The following CEP72 variants were observed in gnomAD, a reference collection of about 807,000 sequenced individuals.
CEP72 encodes centrosomal protein 72, also known as centrosomal protein of 72 kDa.
In CEP72, 78 loss-of-function variants were observed where a neutral mutation model predicts 65.7. That is an observed-to-expected ratio of 1.19 (90% CI 0.99 to 1.43). The LOEUF is 1.43. CEP72 is among the 40% of genes most tolerant of loss of function. CEP72 has a pLI of 0.00. For synonymous variants in CEP72, 358 were observed against 351.7 expected, an observed-to-expected ratio of 1.02 and a Z score of -0.20; for missense variants, 914 against 832.9, an observed-to-expected ratio of 1.10 and a Z score of -1.20.
At chr5:666,299 A>C (rs1739910430) in intron 4 of CEP72, among the ~76,000 whole-genome samples, 1 of 152,160 alleles carries the variant, frequency 6.6e-6, no homozygotes, top group Admixed American at 6.5e-5. Flanking sequence ...AGCTTGGCGG[A>C]AGCAGGTCCT....
intron 9 of CEP72, chr5:643,790 C>A: frequency 3.2e-6 from 1 of 316,846 alleles, no homozygotes; most frequent in Non-Finnish European, 4.6e-6. Context: ...AGGCGTGGCC[C>A]TTTCCCCTCC....
rs895537454 is a variant in CEP72 at position 641,157 on chromosome 5, G to A, written c.1539+553G>A. The A allele has an allele frequency of 4.1e-6, 4 of 984,752 alleles. No individual in the cohort carries two copies. The African/African-American group carries it at 5.3e-5, about 13-fold the overall frequency. 61.0% of individuals were successfully genotyped at this position (984,752 alleles called of 1,614,324 possible). On this transcript the variant is annotated intron_variant, in intron 9 of 11. Coordinates refer to ENST00000264935, the MANE Select transcript of CEP72 (RefSeq NM_018140.4). ...GCCGCCGTCTCATCTGAGGCCTCAT[G>A]GGGGCTCTGTCTCAGCCGTGGGCTG... is the stretch of plus-strand genomic sequence containing the variant.
downstream of CEP72, among the ~76,000 whole-genome samples, chr5:671,068 C>CCATGAAG (rs1166461670): frequency 1.3e-5 from 2 of 152,210 alleles, no homozygotes; most frequent in African/African-American, 2.4e-5. Context: ...GGCACACCCA[C>CCATGAAG]CATGAAGCCC....
At chr5:665,093 G>C (rs1156856425) in intron 2 of CEP72, 2 of 1,607,120 alleles carry the variant, frequency 1.2e-6, no homozygotes, top group African/African-American at 2.7e-5. Flanking sequence ...GCGAGGCATG[G>C]AGCGGGGGCT....
chr5:653,726 T>G (rs1739257340), downstream of CEP72, among the ~76,000 whole-genome samples: 1 of 152,238 alleles, frequency 6.6e-6, no homozygotes, highest in South Asian at 2.1e-4. Flanking sequence ...TCTTATGATA[T>G]TAACATATCA....
downstream of CEP72, among the ~76,000 whole-genome samples, chr5:669,492 CTCTG>C (rs1000855216): frequency 4.6e-5 from 7 of 152,094 alleles, no homozygotes; most frequent in Admixed American, 1.3e-4. Context: ...CCCTTGGGGC[CTCTG>C]TCTGTCCTGG....
At position 631,497 on chromosome 5, in the gene CEP72, C is replaced by T. The variant is rs1331530436; in HGVS notation, c.513-2272C>T. ...TCCAGCGCCGGGATTTGGACCAGTC[C>T]TGGTGGGGTTCTGTCCAGCGCCGGG... On this transcript the variant is annotated intron_variant, in intron 4 of 11. Transcript: ENST00000264935. Among the ~76,000 whole-genome samples, 2 of 50,832 alleles carry T rather than the reference C, an allele frequency of 3.9e-5. 1 individual carries two copies. Among genetic ancestry groups the T allele is most frequent in the Non-Finnish European group, 7.2e-5 (2 of 27,592 alleles). The allele number at this position is 50,832 out of a possible 152,430, so 33.3% of individuals were successfully genotyped here.
the CEP72 span, among the ~76,000 whole-genome samples, chr5:673,511 A>C: frequency 1.3e-5 from 2 of 152,100 alleles, no homozygotes; most frequent in African/African-American, 4.8e-5. Flanking sequence ...CCGGAGTCCC[A>C]GTCCTGGCCA....
At chr5:671,640 A>C (rs1317151221), downstream of CEP72, among the ~76,000 whole-genome samples, 1 of 152,218 alleles carries the variant, frequency 6.6e-6, no homozygotes, top group African/African-American at 2.4e-5. Context: ...CAGGAGCCAC[A>C]GGCCTTGACT....
chr5:672,805 A>C, the CEP72 span, among the ~76,000 whole-genome samples: 3 of 152,370 alleles, frequency 2.0e-5, no homozygotes, highest in Non-Finnish European at 4.4e-5. Context: ...CGCTCTTTGC[A>C]GGAGGGAGTC....
At chr5:666,907 A>G (rs1343233897) in exon 5 of CEP72, 2 of 152,002 alleles carry the variant, frequency 1.3e-5, no homozygotes, top group African/African-American at 4.9e-5. Flanking sequence ...AGTGTTTAAA[A>G]CAAGAGATCC....
intron 3 of CEP72, among the ~76,000 whole-genome samples, chr5:622,661 G>T (rs1736466738): frequency 6.6e-6 from 1 of 152,262 alleles, no homozygotes; most frequent in Non-Finnish European, 1.5e-5. Context: ...TTGGGAGCAT[G>T]CGGCGTGCAT....
exon 4 of CEP72, chr5:666,072 C>T: frequency 6.2e-7 from 1 of 1,612,444 alleles, no homozygotes; most frequent in Non-Finnish European, 8.5e-7. Context: ...TGGCGAGCTC[C>T]TCCAGCGCCT....
chr5:635,714 G>A, intron 6 of CEP72, 130 bp downstream of exon 6: 4 of 712,268 alleles, frequency 5.6e-6, no homozygotes, highest in African/African-American at 1.8e-5. Flanking sequence ...CACGGTGCCG[G>A]CACCTGGTGC....
intron 9 of CEP72, chr5:641,278 A>C (rs1376648094): frequency 2.0e-6 from 2 of 985,276 alleles, no homozygotes; most frequent in Non-Finnish European, 2.4e-6. Context: ...CATCCTTAGC[A>C]CAGGGAGCTG....
At chr5:625,822 C>T (rs1007832331) in intron 4 of CEP72, among the ~76,000 whole-genome samples, 4 of 152,200 alleles carry the variant, frequency 2.6e-5, no homozygotes, top group South Asian at 4.1e-4. Context: ...CAGCCCTGCT[C>T]TCACAGGCCG....
intron 1 of CEP72, 148 bp from the exon 2 acceptor site, chr5:618,842 G>T (rs1361597190): frequency 6.0e-6 from 4 of 664,814 alleles, no homozygotes; most frequent in Non-Finnish European, 1.0e-5. Context: ...ACAGATGGCC[G>T]AGGAGAAGAT....
chr5:652,986 A>C lies in CEP72; in HGVS notation c.1779-2A>C. On this transcript the variant is annotated splice_acceptor_variant, in intron 11 of 11. Coordinates refer to ENST00000264935, the MANE Select transcript of CEP72 (RefSeq NM_018140.4). LOFTEE classifies it high-confidence loss of function. The stretch of plus-strand genomic sequence containing the variant: ...AGCAGCCGCTTCCCTGTTGTTCTGC[A>C]GCTCCCTGGTCAGCACCAATGAACA... 1.2e-6 allele frequency: 2 copies of C among 1,602,992 alleles called. No homozygotes were observed. Among genetic ancestry groups the C allele is most frequent in the East Asian group, 2.2e-5 (1 of 44,676 alleles).
chr5:675,558 A>T, the CEP72 span, among the ~76,000 whole-genome samples: 5 of 55,732 alleles, frequency 9.0e-5, no homozygotes, highest in Non-Finnish European at 1.5e-4. Context: ...CCGGGGGTGC[A>T]GTGTGGCTGG....
Sources: allele counts gnomAD v4.1 joint callset (sites outside exome capture counted in the v4.1 genomes callset), GRCh38; gene constraint gnomAD v4.1.1; transcripts MANE v1.5; gene names NCBI Gene and HGNC (gene_info 2026-07-23, HGNC 2026-07-21).